The following NUP62CL variants were observed in gnomAD, a reference collection of about 807,000 sequenced individuals.
NUP62CL encodes the protein nucleoporin-62 C-terminal-like protein.
In NUP62CL, 13 loss-of-function variants were observed where a neutral mutation model predicts 15.3. That is an observed-to-expected ratio of 0.85 (90% CI 0.55 to 1.35). The LOEUF (loss-of-function observed/expected upper bound fraction) is 1.35, where lower values mean the gene tolerates loss of function less well. Among genes scored for constraint, NUP62CL ranks in the 40% most tolerant of loss-of-function variants. The probability of loss-of-function intolerance (pLI) is 0.00; values close to 1 mark genes in which losing one functional copy is unlikely to be tolerated. For synonymous variants in NUP62CL, 54 were observed against 49.2 expected (o/e 1.10, Z -0.41); for missense variants, 123 against 130.6 (o/e 0.94, Z 0.28).
chrX:107,129,532 C>T (rs1040141435), intron 8 of NUP62CL, among the ~76,000 whole-genome samples: 2 of 112,401 alleles, frequency 1.8e-5, no homozygotes, highest in Non-Finnish European at 3.8e-5. Context: ...TCTCAGAACA[C>T]TGGCTTAACA....
At chrX:107,142,768 A>G (rs1401311284) in intron 8 of NUP62CL, among the ~76,000 whole-genome samples, 1 of 111,974 alleles carries the variant, frequency 8.9e-6, no homozygotes, top group Non-Finnish European at 1.9e-5. Context: ...TTCTGTCATA[A>G]GTGGTCCCAG....
At chrX:107,189,132 A>G (rs1034157456) in intron 2 of NUP62CL, among the ~76,000 whole-genome samples, 2 of 111,943 alleles carry the variant, frequency 1.8e-5, no homozygotes, top group Non-Finnish European at 3.8e-5. Context: ...ATCTACAAAA[A>G]TGGCTAAAAT....
At chrX:107,159,917 A>C (rs1166518848) in intron 4 of NUP62CL, among the ~76,000 whole-genome samples, 1 of 107,464 alleles carries the variant, frequency 9.3e-6, no homozygotes, top group Non-Finnish European at 1.9e-5. Context: ...TAAGCTAATA[A>C]GCAACTTCAG....
intron 3 of NUP62CL, among the ~76,000 whole-genome samples, chrX:107,171,704 G>A (rs1467716241): frequency 9.0e-6 from 1 of 111,264 alleles, no homozygotes; most frequent in Non-Finnish European, 1.9e-5. Flanking sequence ...AGATTTGGGT[G>A]AGGACATAGC....
At chrX:107,148,871 G>T (rs997307458) in intron 7 of NUP62CL, among the ~76,000 whole-genome samples, 3 of 111,459 alleles carry the variant, frequency 2.7e-5, no homozygotes, top group Admixed American at 9.5e-5. Context: ...CCTAGTATAT[G>T]ACCCAGAGTA....
In NUP62CL at chrX:107,124,029, C is replaced by T. The variant is rs1925328075; in HGVS notation, c.*346G>A. On this transcript the variant is annotated 3_prime_UTR_variant, in exon 9 of 9. Transcript: ENST00000372466. ...TATAGAGTCAGCATCTAAGAGGTTG[C>T]TGTCTGGACAAAGGGGCTAGTATAA... 1.4e-5 allele frequency: 3 copies of T among 221,567 alleles called. No homozygotes were observed. The highest frequency in any genetic ancestry group is 3.1e-5 in the African/African-American group (1 of 32,535). The allele number at this position is 221,567 out of a possible 1,213,427, so 18.3% of individuals were successfully genotyped here. A position where few individuals can be genotyped will look rare whatever the true frequency, so the allele number is the denominator to read the frequency against.
chrX:107,135,790 T>A (rs1463028508), intron 8 of NUP62CL, among the ~76,000 whole-genome samples: 1 of 111,519 alleles, frequency 9.0e-6, no homozygotes, highest in Non-Finnish European at 1.9e-5. Context: ...TGGTCAACTG[T>A]GGTCAGAAAA....
intron 3 of NUP62CL, among the ~76,000 whole-genome samples, chrX:107,170,156 G>GA (rs369898411): frequency 0.036 from 3,015 of 83,455 alleles, 134 homozygotes; most frequent in African/African-American, 0.12. Context: ...AAAAGAAAAA[G>GA]AAAAAAAAAA....
intron 8 of NUP62CL, among the ~76,000 whole-genome samples, chrX:107,137,667 C>A (rs1925672940): frequency 9.0e-6 from 1 of 111,547 alleles, no homozygotes; most frequent in Non-Finnish European, 1.9e-5. Flanking sequence ...TCTAACAAAA[C>A]CAAAACATGT....
chrX:107,133,373 C>T (rs1221615203), intron 8 of NUP62CL, among the ~76,000 whole-genome samples: 2 of 110,354 alleles, frequency 1.8e-5, no homozygotes, highest in African/African-American at 6.6e-5. Context: ...CTCGCTCTGT[C>T]GCCCAGGCTG....
chrX:107,153,808 A>C (rs1926106381), intron 5 of NUP62CL, among the ~76,000 whole-genome samples: 1 of 110,918 alleles, frequency 9.0e-6, no homozygotes, highest in Non-Finnish European at 1.9e-5. Context: ...TCCCTACTGA[A>C]AAAACACACA....
At chrX:107,166,355 A>T (rs1369180693) in intron 4 of NUP62CL, among the ~76,000 whole-genome samples, 2 of 112,181 alleles carry the variant, frequency 1.8e-5, no homozygotes, top group Admixed American at 1.9e-4. Flanking sequence ...TAAAACCATA[A>T]TGAGATATCA....
chrX:107,179,338 G>T (rs948929399), intron 2 of NUP62CL, among the ~76,000 whole-genome samples: 2 of 110,809 alleles, frequency 1.8e-5, no homozygotes, highest in African/African-American at 6.6e-5. Flanking sequence ...AGTGGGGGTT[G>T]GGCTTCTAGT....
At chrX:107,155,767 AG>A (rs1926163881) in intron 4 of NUP62CL, among the ~76,000 whole-genome samples, 1 of 112,565 alleles carries the variant, frequency 8.9e-6, no homozygotes, top group African/African-American at 3.2e-5. Context: ...TACCTATCAT[AG>A]GGGAGGAGCC....
intron 7 of NUP62CL, chrX:107,150,919 T>C (rs1290116511): frequency 1.2e-5 from 4 of 342,947 alleles, no homozygotes; most frequent in South Asian, 1.0e-4. Flanking sequence ...CCTTGAGATC[T>C]TGGGCCATTT....
In NUP62CL at chrX:107,154,099, C is replaced by A. The variant is rs770948190; in HGVS notation, c.342G>T (p.Glu114Asp). Residue 114 changes from glutamate to aspartate, a missense_variant, in exon 5 of 9, where the codon GAG becomes GAT. Physicochemically the swap from Glu to Asp is conservative, Grantham distance 45. Transcript: ENST00000372466. ...AWDHTLIENG[E>D]MIRILHGEVN... ...ATTAATGAAAATATTTTCTTACCAT[C>A]TCACCATTCTCAATCAATGTATGGT... is the stretch of plus-strand genomic sequence containing the variant. 1 of 1,193,111 alleles carries A rather than the reference C, an allele frequency of 8.4e-7. No individual in the cohort carries two copies. Among genetic ancestry groups the A allele is most frequent in the East Asian group, 3.0e-5 (1 of 33,452 alleles).
chrX:107,197,360 CTATGCA>C (rs1273465702), intron 1 of NUP62CL, among the ~76,000 whole-genome samples: 1 of 110,880 alleles, frequency 9.0e-6, no homozygotes, highest in African/African-American at 3.3e-5. Flanking sequence ...TTTAGCTTCC[CTATGCA>C]TATCATTACT....
At chrX:107,184,949 G>T (rs766545013) in intron 2 of NUP62CL, among the ~76,000 whole-genome samples, 1 of 111,408 alleles carries the variant, frequency 9.0e-6, no homozygotes, top group South Asian at 3.8e-4. Context: ...CTTTTCAAGT[G>T]CTGAAAGAAA....
rs1022941008 is a variant in NUP62CL at position 107,154,368 on chromosome X, T to G, written c.195-122A>C. 2.5e-5 allele frequency: 12 copies of G among 472,551 alleles called. No individual in the cohort carries two copies. The African/African-American group carries it at 3.2e-4, about 12-fold the overall frequency. The allele number at this position is 472,551 out of a possible 1,213,427, so 38.9% of individuals were successfully genotyped here. A position where few individuals can be genotyped will look rare whatever the true frequency, so the allele number is the denominator to read the frequency against. On this transcript the variant is annotated intron_variant, in intron 4 of 8. Transcript: ENST00000372466. The stretch of plus-strand genomic sequence containing the variant: ...CAGCATGTAAGGAATTTCCCATACC[T>G]GCTTCCCAAGAAAACAAACATAACT...
Sources: allele counts gnomAD v4.1 joint callset (sites outside exome capture counted in the v4.1 genomes callset), GRCh38; gene constraint gnomAD v4.1.1; transcripts MANE v1.5; gene names NCBI Gene and HGNC (gene_info 2026-07-23, HGNC 2026-07-21).